Variants in FUT9 observed in about 807,000 individuals in gnomAD.
FUT9 encodes 4-galactosyl-N-acetylglucosaminide 3-alpha-L-fucosyltransferase 9.
In FUT9, 15 loss-of-function variants were observed where a neutral mutation model predicts 29.7. That is an observed-to-expected ratio of 0.51 (90% CI 0.34 to 0.78). The LOEUF (loss-of-function observed/expected upper bound fraction) is 0.78. Ranked by LOEUF, FUT9 falls within the 30% of genes least tolerant of loss-of-function variation. The probability of loss-of-function intolerance (pLI) is 0.01; values close to 1 mark genes in which losing one functional copy is unlikely to be tolerated. For synonymous variants in FUT9, 169 were observed against 153.7 expected (o/e 1.10, Z -0.74); for missense variants, 319 against 425.4 (o/e 0.75, Z 2.20).
chr6:96,111,246 C>T (rs1246800879), intron 1 of FUT9, among the ~76,000 whole-genome samples: 2 of 152,220 alleles, frequency 1.3e-5, no homozygotes, highest in African/African-American at 4.8e-5. Flanking sequence ...AATTGAGTGT[C>T]TCTTTCCCAC....
intron 2 of FUT9, among the ~76,000 whole-genome samples, chr6:96,116,619 A>G (rs965464707): frequency 1.3e-5 from 2 of 152,236 alleles, no homozygotes; most frequent in Non-Finnish European, 2.9e-5. Context: ...AAAGGAAAGT[A>G]TTGATTTATG....
intron 2 of FUT9, among the ~76,000 whole-genome samples, chr6:96,161,204 G>A (rs1051078735): frequency 2.0e-5 from 3 of 152,130 alleles, no homozygotes; most frequent in Non-Finnish European, 2.9e-5. Flanking sequence ...ATATTAAGAG[G>A]TGGGGTCATT....
intron 1 of FUT9, among the ~76,000 whole-genome samples, chr6:96,107,068 T>C (rs943371638): frequency 2.0e-5 from 3 of 152,204 alleles, no homozygotes; most frequent in Admixed American, 6.5e-5. Flanking sequence ...CTACAATGCC[T>C]AAAATGTTTA....
intron 2 of FUT9, among the ~76,000 whole-genome samples, chr6:96,186,122 C>A (rs1430242265): frequency 6.6e-6 from 1 of 152,062 alleles, no homozygotes; most frequent in Non-Finnish European, 1.5e-5. Context: ...ATTAAACTTG[C>A]CTTTTTTTCT....
intron 1 of FUT9, among the ~76,000 whole-genome samples, chr6:96,039,758 T>C (rs557703282): frequency 6.6e-6 from 1 of 152,282 alleles, no homozygotes; most frequent in African/African-American, 2.4e-5. Context: ...CTTATCTATC[T>C]TTTTCTTTAC....
chr6:96,042,815 C>T (rs1288742495), intron 1 of FUT9, among the ~76,000 whole-genome samples: 4 of 152,116 alleles, frequency 2.6e-5, no homozygotes, highest in Non-Finnish European at 5.9e-5. Context: ...TTATTCTGTT[C>T]ATTTCACACA....
chr6:96,075,321 A>G (rs1395976933), intron 1 of FUT9, among the ~76,000 whole-genome samples: 1 of 152,166 alleles, frequency 6.6e-6, no homozygotes, highest in African/African-American at 2.4e-5. Flanking sequence ...TGCATACATC[A>G]GAAACAAAGC....
chr6:96,120,967 C>A (rs1772017380), intron 2 of FUT9, among the ~76,000 whole-genome samples: 1 of 152,048 alleles, frequency 6.6e-6, no homozygotes, highest in Non-Finnish European at 1.5e-5. Context: ...CAATATCTTC[C>A]ATACCATGGA....
chr6:96,019,331 T>G (rs1377180330), intron 1 of FUT9, among the ~76,000 whole-genome samples: 1 of 152,040 alleles, frequency 6.6e-6, no homozygotes, highest in Non-Finnish European at 1.5e-5. Flanking sequence ...CTCTAATATA[T>G]ATTTCTTGTA....
At chr6:96,167,644 AAAT>A (rs746527541) in intron 2 of FUT9, among the ~76,000 whole-genome samples, 2 of 152,216 alleles carry the variant, frequency 1.3e-5, no homozygotes, top group Non-Finnish European at 2.9e-5. Context: ...ATAAATAAGT[AAAT>A]AATGATGTCA....
chr6:96,032,971 A>C (rs1302768485), intron 1 of FUT9, among the ~76,000 whole-genome samples: 1 of 151,674 alleles, frequency 6.6e-6, no homozygotes, highest in Non-Finnish European at 1.5e-5. Flanking sequence ...TCAACTCGGC[A>C]TGACGGTTTT....
intron 2 of FUT9, among the ~76,000 whole-genome samples, chr6:96,154,945 C>T (rs926275537): frequency 1.3e-5 from 2 of 152,076 alleles, no homozygotes; most frequent in Non-Finnish European, 2.9e-5. Context: ...TGCTGCTGTG[C>T]AATAGGAGAG....
chr6:96,170,435 T>A (rs1264185873), intron 2 of FUT9, among the ~76,000 whole-genome samples: 4 of 152,136 alleles, frequency 2.6e-5, no homozygotes, highest in African/African-American at 9.7e-5. Context: ...CCCATATTAA[T>A]AAGTTAGGAT....
intron 1 of FUT9, among the ~76,000 whole-genome samples, chr6:96,033,780 T>A (rs1180523200): frequency 1.3e-5 from 2 of 151,638 alleles, no homozygotes; most frequent in African/African-American, 4.8e-5. Context: ...AAACACATAT[T>A]TGTTCTTATG....
intron 2 of FUT9, among the ~76,000 whole-genome samples, chr6:96,151,517 G>C (rs535161750): frequency 2.4e-4 from 37 of 152,158 alleles, no homozygotes; most frequent in Non-Finnish European, 4.6e-4. Context: ...TTATCAGGTA[G>C]AGACATCAGT....
chr6:96,035,299 A>G (rs1168012683), intron 1 of FUT9, among the ~76,000 whole-genome samples: 1 of 151,494 alleles, frequency 6.6e-6, no homozygotes, highest in African/African-American at 2.4e-5. Flanking sequence ...CTGAATTACT[A>G]TTATTGGTAT....
chr6:96,192,004 C>T (rs1052157106), intron 2 of FUT9, among the ~76,000 whole-genome samples: 1 of 151,642 alleles, frequency 6.6e-6, no homozygotes, highest in Admixed American at 6.6e-5. Flanking sequence ...ATTCAACAGC[C>T]CTTCATGCAA....
intron 2 of FUT9, among the ~76,000 whole-genome samples, chr6:96,189,834 C>A (rs1773473205): frequency 6.6e-6 from 1 of 152,150 alleles, no homozygotes; most frequent in South Asian, 2.1e-4. Flanking sequence ...GAATACAGCA[C>A]ACTCATGGGT....
intron 1 of FUT9, among the ~76,000 whole-genome samples, chr6:96,073,263 A>G (rs1771092527): frequency 6.6e-6 from 1 of 152,114 alleles, no homozygotes; most frequent in Non-Finnish European, 1.5e-5. Context: ...AGCCTGGTCA[A>G]TATGGTGAAA....
Sources: allele counts gnomAD v4.1 joint callset (sites outside exome capture counted in the v4.1 genomes callset), GRCh38; gene constraint gnomAD v4.1.1; transcripts MANE v1.5; gene names NCBI Gene and HGNC (gene_info 2026-07-23, HGNC 2026-07-21).